The following CEMIP variants were observed in gnomAD, a reference collection of about 807,000 sequenced individuals.
The protein encoded by CEMIP is cell migration-inducing and hyaluronan-binding protein.
Under a neutral mutation model 156.9 loss-of-function variants are expected in CEMIP, and 105 were observed. The observed-to-expected ratio is 0.67, with a 90% confidence interval of 0.57 to 0.79. The LOEUF (loss-of-function observed/expected upper bound fraction) is 0.79, where lower values mean the gene tolerates loss of function less well. Ranked by LOEUF, CEMIP falls within the 30% of genes least tolerant of loss-of-function variation. CEMIP has a pLI of 0.00. For synonymous variants in CEMIP, 676 were observed against 668.4 expected, an observed-to-expected ratio of 1.01 and a Z score of -0.17; for missense variants, 1,457 against 1,769.4, an observed-to-expected ratio of 0.82 and a Z score of 3.17.
intron 22 of CEMIP, 89 bp from the exon 23 acceptor site, chr15:80,933,156 T>C: frequency 8.5e-7 from 1 of 1,177,058 alleles, no homozygotes; most frequent in Non-Finnish European, 1.2e-6. Flanking sequence ...GTAACGTCAG[T>C]GGAAATCGGA....
chr15:80,866,682 A>C (rs1296997761), intron 1 of CEMIP, among the ~76,000 whole-genome samples: 1 of 150,002 alleles, frequency 6.7e-6, no homozygotes, highest in Admixed American at 6.7e-5. Flanking sequence ...GCTACTTGGG[A>C]GGCTGAGGCA....
intron 1 of CEMIP, among the ~76,000 whole-genome samples, chr15:80,860,500 G>A (rs910710223): frequency 3.3e-5 from 5 of 152,232 alleles, no homozygotes; most frequent in South Asian, 2.1e-4. Flanking sequence ...TGGATGGGAT[G>A]AGAATGGAAC....
intron 1 of CEMIP, among the ~76,000 whole-genome samples, chr15:80,803,881 A>C (rs1433162925): frequency 6.6e-6 from 1 of 152,200 alleles, no homozygotes; most frequent in East Asian, 1.9e-4. Flanking sequence ...ACCCTGTATT[A>C]TTCTGTTCTC....
chr15:80,913,155 T>C (rs1900133202), intron 14 of CEMIP, among the ~76,000 whole-genome samples: 1 of 152,206 alleles, frequency 6.6e-6, no homozygotes, highest in African/African-American at 2.4e-5. Flanking sequence ...TCTGATATCC[T>C]TTATCCTCAG....
At chr15:80,802,019 G>T (rs1896389843) in intron 1 of CEMIP, among the ~76,000 whole-genome samples, 1 of 152,188 alleles carries the variant, frequency 6.6e-6, no homozygotes, top group South Asian at 2.1e-4. Flanking sequence ...GGAGAGTGTG[G>T]TATCTGAGGG....
chr15:80,871,331 T>C (rs1372789546), intron 1 of CEMIP, among the ~76,000 whole-genome samples: 1 of 152,196 alleles, frequency 6.6e-6, no homozygotes, highest in Non-Finnish European at 1.5e-5. Flanking sequence ...CTCTGAGACA[T>C]AGCAGAAGGT....
At chr15:80,886,553 G>C (rs537921033) in intron 7 of CEMIP, among the ~76,000 whole-genome samples, 76 of 152,280 alleles carry the variant, frequency 5.0e-4, no homozygotes, top group African/African-American at 1.7e-3. Context: ...GCTACTGTAG[G>C]GGGGGAAAAT....
At chr15:80,815,399 C>A (rs1382801905) in intron 1 of CEMIP, among the ~76,000 whole-genome samples, 1 of 152,212 alleles carries the variant, frequency 6.6e-6, no homozygotes, top group Non-Finnish European at 1.5e-5. Context: ...ATTCTTTGGT[C>A]ATGAAAACGA....
At chr15:80,800,784 G>A (rs546928165) in intron 1 of CEMIP, among the ~76,000 whole-genome samples, 1 of 152,178 alleles carries the variant, frequency 6.6e-6, no homozygotes, top group African/African-American at 2.4e-5. Flanking sequence ...AAATATTTCA[G>A]TACTCGATGT....
chr15:80,883,640 A>C (rs1008211996), intron 6 of CEMIP, among the ~76,000 whole-genome samples: 2 of 152,240 alleles, frequency 1.3e-5, no homozygotes, highest in African/African-American at 4.8e-5. Context: ...ATAAACTTTA[A>C]GTTGGATCTC....
At position 80,906,236 on chromosome 15, in the gene CEMIP, G is replaced by A. The variant is rs535320074; in HGVS notation, c.1412-427G>A. On this transcript the variant is annotated intron_variant, in intron 12 of 29. Transcript: ENST00000394685. The surrounding 1 kb of genome is among the most constrained non-coding windows in gnomAD (Gnocchi z 4.3). ...GGTGCTCACCTGCATGGGCGAGGCT[G>A]GCCTGCCAGCCCCCAGAAAAGAGCA... is the stretch of plus-strand genomic sequence containing the variant. Among the ~76,000 whole-genome samples the A allele has an allele frequency of 2.6e-4, 39 of 152,310 alleles. 1 individual carries two copies. The highest frequency in any genetic ancestry group is 9.1e-4 in the African/African-American group (38 of 41,570).
chr15:80,865,920 G>A (rs1289520790), intron 1 of CEMIP, among the ~76,000 whole-genome samples: 1 of 152,168 alleles, frequency 6.6e-6, no homozygotes, highest in Admixed American at 6.5e-5. Flanking sequence ...GTATGGGACT[G>A]GGGGATCCTT....
At chr15:80,840,308 G>A (rs1223512529) in intron 1 of CEMIP, among the ~76,000 whole-genome samples, 2 of 152,152 alleles carry the variant, frequency 1.3e-5, no homozygotes, top group African/African-American at 2.4e-5. Flanking sequence ...CATGGAGGGT[G>A]GGGACGAGTC....
Position 80,906,676 on chromosome 15 carries a change from C to T in CEMIP, c.1425C>T (p.Tyr475=). The T allele has an allele frequency of 1.2e-6, 2 of 1,613,662 alleles. No homozygotes were observed. Among genetic ancestry groups the T allele is most frequent in the Non-Finnish European group, 1.7e-6 (2 of 1,179,668 alleles). The change falls in exon 13 of 30, where the codon TAC becomes TAT. Residue 475 remains tyrosine, a synonymous_variant. Coordinates refer to ENST00000394685, the MANE Select transcript of CEMIP (RefSeq NM_001293298.2). This position sits in a 1 kb window ranked among gnomAD's most constrained non-coding sequence, Gnocchi z 4.3. Reference sequence around the variant, plus strand: ...TTTCTGCCCTAGGGAAACCAATGTACCTGCACATCGGGGAGGAGATAGACG... The same window carrying T: ...TTTCTGCCCTAGGGAAACCAATGTATCTGCACATCGGGGAGGAGATAGACG... ...NQVKVAGKPM[Y]LHIGEEIDGV...
chr15:80,924,798 A>C, intron 18 of CEMIP, 92 bp downstream of exon 18: 2 of 1,118,216 alleles, frequency 1.8e-6, no homozygotes, highest in East Asian at 4.8e-5. Context: ...TTCCCTGAGC[A>C]TCTGTTGAGC....
At chr15:80,902,025 G>C (rs1340925273) in intron 12 of CEMIP, among the ~76,000 whole-genome samples, 1 of 152,204 alleles carries the variant, frequency 6.6e-6, no homozygotes, top group African/African-American at 2.4e-5. Flanking sequence ...TACCCGATCT[G>C]AGAAGGTCAG....
intron 1 of CEMIP, among the ~76,000 whole-genome samples, chr15:80,784,699 A>G (rs976883466): frequency 2.6e-5 from 4 of 152,088 alleles, no homozygotes; most frequent in Non-Finnish European, 4.4e-5. Flanking sequence ...TGCTTCTTAG[A>G]CTTAAAATAT....
chr15:80,859,170 A>G (rs1416569175), intron 1 of CEMIP, among the ~76,000 whole-genome samples: 3 of 152,204 alleles, frequency 2.0e-5, no homozygotes, highest in Non-Finnish European at 4.4e-5. Context: ...GCCGGGTCAC[A>G]TATCTACCTT....
At chr15:80,914,222 A>C (rs1382864710) in intron 14 of CEMIP, among the ~76,000 whole-genome samples, 1 of 152,244 alleles carries the variant, frequency 6.6e-6, no homozygotes. Context: ...CCTGAAGGAA[A>C]GTAATGGAAT....
Sources: gnomAD v4.1 joint callset for allele counts (sites outside exome capture counted in the v4.1 genomes callset) on GRCh38, gnomAD v4.1.1 for gene constraint, Gnocchi (gnomAD v3.1) non-coding constraint, MANE v1.5 for transcripts, NCBI Gene and HGNC (gene_info 2026-07-23, HGNC 2026-07-21) for gene names.